The following GSG1L variants were observed in gnomAD, a reference collection of about 807,000 sequenced individuals.
The protein encoded by GSG1L is germ cell-specific gene 1-like protein.
In GSG1L, 24 loss-of-function variants were observed where a neutral mutation model predicts 42.1. The observed-to-expected ratio is 0.57, with a 90% confidence interval of 0.41 to 0.80. GSG1L has a LOEUF of 0.80. Ranked by LOEUF, GSG1L falls within the 30% of genes least tolerant of loss-of-function variation. The pLI is 0.00. For synonymous variants in GSG1L, 215 were observed against 203.5 expected, an observed-to-expected ratio of 1.06 and a Z score of -0.48; for missense variants, 445 against 472.2, an observed-to-expected ratio of 0.94 and a Z score of 0.53.
At chr16:27,922,872 C>T (rs1306760865) in intron 2 of GSG1L, among the ~76,000 whole-genome samples, 1 of 152,194 alleles carries the variant, frequency 6.6e-6, no homozygotes, top group Non-Finnish European at 1.5e-5. Context: ...CAGCCTCACA[C>T]GACCCCCTGG....
rs139621500 is a variant in GSG1L at position 28,062,539 on chromosome 16, C to G, written c.349+537G>C. Among the ~76,000 whole-genome samples the G allele has an allele frequency of 2.6e-3, 399 of 152,270 alleles. 2 individuals carry two copies. Among genetic ancestry groups the G allele is most frequent in the African/African-American group, 9.3e-3 (387 of 41,568 alleles). ...GAGCCCGCGGGACTCCCCCACTCCC[C>G]ACTCCCGTCTGGGAGGTTCGGCGTG... is the stretch of plus-strand genomic sequence containing the variant. On this transcript the variant is annotated intron_variant, in intron 1 of 6. Transcript: ENST00000447459.
chr16:27,830,738 C>G (rs1440848548), intron 4 of GSG1L, among the ~76,000 whole-genome samples: 1 of 152,232 alleles, frequency 6.6e-6, no homozygotes, highest in African/African-American at 2.4e-5. Context: ...CAATCAGATA[C>G]TCTCTCCTGA....
At chr16:28,039,634 C>T (rs528070784) in intron 1 of GSG1L, among the ~76,000 whole-genome samples, 48 of 151,832 alleles carry the variant, frequency 3.2e-4, no homozygotes, top group Admixed American at 1.3e-3. Context: ...CATGTACGTG[C>T]GTGCACACAC....
chr16:27,994,298 G>T (rs1160676863), intron 1 of GSG1L, among the ~76,000 whole-genome samples: 1 of 147,104 alleles, frequency 6.8e-6, no homozygotes. Flanking sequence ...CAGGTCCCTT[G>T]GGGGGGTTCA....
intron 2 of GSG1L, among the ~76,000 whole-genome samples, chr16:27,922,679 A>C (rs1455099833): frequency 6.6e-6 from 1 of 152,206 alleles, no homozygotes; most frequent in African/African-American, 2.4e-5. Flanking sequence ...CCAGTGATGG[A>C]TGACAGCCAA....
rs34539843 is a variant in GSG1L, at chr16:27,980,900, A to C, written c.350-17697T>G. 6.5e-4 allele frequency among the ~76,000 whole-genome samples: 74 copies of C among 113,278 alleles called. No individual in the cohort carries two copies. The East Asian group carries it at 0.014, about 21-fold the overall frequency. The allele number at this position is 113,278 out of a possible 152,430, so 74.3% of individuals were successfully genotyped here. A position where few individuals can be genotyped will look rare whatever the true frequency, so the allele number is the denominator to read the frequency against. On this transcript the variant is annotated intron_variant, in intron 1 of 6. Coordinates refer to ENST00000447459, the MANE Select transcript of GSG1L (RefSeq NM_001109763.2). ...CGTCTCAAAAACCAAAAACCAAAAA[A>C]CAAAAAAAAAAAAAAAAGAAAGAAA...
intron 5 of GSG1L, chr16:27,823,851 C>G (rs1337165565): frequency 2.8e-6 from 2 of 702,966 alleles, no homozygotes; most frequent in East Asian, 5.4e-5. Flanking sequence ...AATCCCAGCT[C>G]TGGCACTTAC....
chr16:27,808,838 C>T (rs1242512925), intron 5 of GSG1L, among the ~76,000 whole-genome samples: 2 of 152,184 alleles, frequency 1.3e-5, no homozygotes, highest in Non-Finnish European at 2.9e-5. Context: ...AGCGAGCAGC[C>T]TCTGCGGGGT....
chr16:27,791,448 C>T lies in GSG1L; in HGVS notation c.918G>A (p.Ala306=), dbSNP rs139721269. Residue 306 remains alanine (A), a synonymous_variant, in exon 7 of 7, where the codon GCG becomes GCA. Transcript: ENST00000447459. ...GTGCGGAGCTCCGGGGCCAGGAATC[C>T]GCCATGTGTGGCTGGTGTCCTGCCA... ...RYPARHQPHM[A]DSWPRSSAQE... is the part of the protein sequence containing the mutation. The T allele has an allele frequency of 3.3e-5, 50 of 1,505,466 alleles. No homozygotes were observed. The highest frequency in any genetic ancestry group is 4.1e-5 in the Non-Finnish European group (46 of 1,120,548). 93.3% of individuals were successfully genotyped at this position (1,505,466 alleles called of 1,614,324 possible).
intron 5 of GSG1L, among the ~76,000 whole-genome samples, chr16:27,817,474 C>T (rs1228053227): frequency 2.6e-5 from 4 of 152,140 alleles, no homozygotes; most frequent in African/African-American, 7.2e-5. Flanking sequence ...AGGACTAAGA[C>T]TCCCCCCACC....
chr16:27,997,134 C>T (rs1481907514), intron 1 of GSG1L, among the ~76,000 whole-genome samples: 1 of 151,970 alleles, frequency 6.6e-6, no homozygotes, highest in Non-Finnish European at 1.5e-5. Flanking sequence ...TAGGCCCAGC[C>T]ACATCCCCTA....
intron 6 of GSG1L, 126 bp downstream of exon 6, chr16:27,807,361 C>T (rs1431687471): frequency 1.4e-5 from 10 of 700,648 alleles, no homozygotes; most frequent in South Asian, 3.7e-5. Context: ...TCATCTGTAA[C>T]GTGTTTGTGG....
At chr16:27,928,964 G>A (rs1459319712) in intron 2 of GSG1L, among the ~76,000 whole-genome samples, 2 of 152,226 alleles carry the variant, frequency 1.3e-5, no homozygotes, top group Non-Finnish European at 2.9e-5. Flanking sequence ...GCAGGGACCT[G>A]GGAAAGCAGT....
At chr16:27,888,416 CTT>C (rs2084058187) in intron 2 of GSG1L, among the ~76,000 whole-genome samples, 1 of 17,486 alleles carries the variant, frequency 5.7e-5, no homozygotes, top group South Asian at 8.8e-3. Flanking sequence ...TTCTTTCTTT[CTT>C]TCTTTCTTTC....
intron 1 of GSG1L, among the ~76,000 whole-genome samples, chr16:28,000,413 C>T (rs943927522): frequency 6.6e-6 from 1 of 152,232 alleles, no homozygotes; most frequent in Non-Finnish European, 1.5e-5. Flanking sequence ...TGGGATGGGA[C>T]ATTTCCTCTG....
intron 1 of GSG1L, among the ~76,000 whole-genome samples, chr16:27,969,887 T>G (rs1221678059): frequency 6.6e-6 from 1 of 152,264 alleles, no homozygotes; most frequent in African/African-American, 2.4e-5. Context: ...CGTCTTTTTT[T>G]ATTATAAGCA....
intron 3 of GSG1L, among the ~76,000 whole-genome samples, chr16:27,858,634 G>C (rs1046209907): frequency 6.6e-6 from 1 of 152,174 alleles, no homozygotes; most frequent in Non-Finnish European, 1.5e-5. Flanking sequence ...TATGAAGGAA[G>C]ATGGGAAAAA....
intron 2 of GSG1L, among the ~76,000 whole-genome samples, chr16:27,955,038 T>C (rs74971955): frequency 0.011 from 1,645 of 152,260 alleles, 33 homozygotes; most frequent in African/African-American, 0.037. Flanking sequence ...CCATCTCCAC[T>C]GTATCTTGAG....
chr16:28,063,208 C>CGGCGGCGGCGGCGGCGGG lies in GSG1L; in HGVS notation c.199_216dup (p.Pro67_Ala72dup), dbSNP rs1199514606. 7.9e-7 allele frequency: 1 copy of CGGCGGCGGCGGCGGCGGG among 1,258,268 alleles called. No individual in the cohort carries two copies. The highest frequency in any genetic ancestry group is 2.8e-5 in the South Asian group (1 of 35,646). The allele number at this position is 1,258,268 out of a possible 1,614,324, so 77.9% of individuals were successfully genotyped here. On this transcript the variant is annotated inframe_insertion, in exon 1 of 7. Coordinates refer to ENST00000447459, the MANE Select transcript of GSG1L (RefSeq NM_001109763.2). This position sits in a 1 kb window ranked among gnomAD's most constrained non-coding sequence, Gnocchi z 5.8. The stretch of plus-strand genomic sequence containing the variant: ...GGGCCGTTCCCCGAGGCGGTGGCGG[C>CGGCGGCGGCGGCGGCGGG]GGCGGCGGCGGCGGCGGGGGCGGCG...
Sources: gnomAD v4.1 joint callset for allele counts (sites outside exome capture counted in the v4.1 genomes callset) on GRCh38, gnomAD v4.1.1 for gene constraint, Gnocchi (gnomAD v3.1) non-coding constraint, MANE v1.5 for transcripts, NCBI Gene and HGNC (gene_info 2026-07-23, HGNC 2026-07-21) for gene names.